ZMYM2: variants seen among roughly 807,000 people sequenced by gnomAD.
ZMYM2 encodes the protein zinc finger MYM-type protein 2.
A neutral mutation model predicts 162.8 loss-of-function variants in ZMYM2; 56 were observed. The observed-to-expected ratio is 0.34, with a 90% CI of 0.28 to 0.43. The LOEUF (loss-of-function observed/expected upper bound fraction) is 0.43, where lower values mean the gene tolerates loss of function less well. Among genes scored for constraint, ZMYM2 ranks in the 20% least tolerant of loss-of-function variants. ZMYM2 has a pLI of 1.00. For missense variants in ZMYM2, 1,275 were observed against 1,621.8 expected, an observed-to-expected ratio of 0.79 and a Z score of 3.67; for synonymous variants, 510 against 541.6, an observed-to-expected ratio of 0.94 and a Z score of 0.81.
the ZMYM2 span, among the ~76,000 whole-genome samples, chr13:19,896,822 C>T: frequency 9.9e-5 from 15 of 150,910 alleles, no homozygotes; most frequent in Non-Finnish European, 1.9e-4. Context: ...TGCATATAAT[C>T]CCAGCACTTG....
chr13:20,048,233 C>T (rs1013161179), intron 12 of ZMYM2, among the ~76,000 whole-genome samples: 12 of 151,762 alleles, frequency 7.9e-5, no homozygotes, highest in Non-Finnish European at 1.3e-4. Flanking sequence ...GATTTATGGG[C>T]TTTAAATTAA....
chr13:19,864,140 G>T, the ZMYM2 span: 1 of 152,810 alleles, frequency 6.5e-6, no homozygotes, highest in Non-Finnish European at 1.5e-5. Context: ...CCAGTTCCTT[G>T]AAGGCCCCCA....
Position 20,086,061 on chromosome 13 carries a change from C to A in ZMYM2, c.*47C>A. 2 of 1,545,802 alleles carry A rather than the reference C, an allele frequency of 1.3e-6. No individual in the cohort carries two copies. Among genetic ancestry groups the A allele is most frequent in the South Asian group, 1.2e-5 (1 of 86,896 alleles). On this transcript the variant is annotated 3_prime_UTR_variant, in exon 25 of 25. Transcript: ENST00000610343. ...TCGGGATAAAACAGCATTAGATAGT[C>A]ATGCTGCTAGATCTTTATTATGGAA...
chr13:20,052,361 G>GT, intron 14 of ZMYM2, 50 bp downstream of exon 14: 1 of 1,505,682 alleles, frequency 6.6e-7, no homozygotes, highest in Non-Finnish European at 8.9e-7. Context: ...GTAATATGGG[G>GT]TAAAAAATAA....
chr13:19,906,284 G>GTATATATATATATATA, the ZMYM2 span, among the ~76,000 whole-genome samples: 13 of 63,786 alleles, frequency 2.0e-4, no homozygotes, highest in Non-Finnish European at 3.1e-4. Flanking sequence ...TCAAAAAAAA[G>GTATATATATATATATA]TATATATATA....
intron 2 of ZMYM2, among the ~76,000 whole-genome samples, chr13:19,988,490 C>T (rs1331174546): frequency 1.3e-5 from 2 of 152,092 alleles, no homozygotes; most frequent in East Asian, 1.9e-4. Flanking sequence ...AGTGAAAAGA[C>T]GAGTTACGGC....
chr13:20,002,283 A>C (rs1019455590), intron 3 of ZMYM2, among the ~76,000 whole-genome samples: 1 of 152,202 alleles, frequency 6.6e-6, no homozygotes, highest in African/African-American at 2.4e-5. Context: ...AAATACGTGA[A>C]TACTTCCTGC....
intron 18 of ZMYM2, 140 bp downstream of exon 18, chr13:20,063,111 G>A: frequency 9.3e-7 from 1 of 1,077,986 alleles, no homozygotes; most frequent in East Asian, 2.9e-5. Context: ...CTCACCTTAA[G>A]AGTTAACTTC....
chr13:19,916,442 G>C, the ZMYM2 span, among the ~76,000 whole-genome samples: 5 of 152,148 alleles, frequency 3.3e-5, no homozygotes, highest in Admixed American at 6.5e-5. Context: ...ATTCACAATA[G>C]CAAAGACTTG....
upstream of ZMYM2, among the ~76,000 whole-genome samples, chr13:19,954,126 A>ATTTTTTTTT (rs781288600): frequency 3.5e-4 from 23 of 64,912 alleles, 7 homozygotes; most frequent in Admixed American, 9.0e-4. Context: ...GCTATGTTTA[A>ATTTTTTTTT]TTTTTTTTTT....
At chr13:20,004,173 T>C (rs1310825712) in intron 4 of ZMYM2, among the ~76,000 whole-genome samples, 20 of 152,246 alleles carry the variant, frequency 1.3e-4, no homozygotes, top group Non-Finnish European at 2.9e-4. Context: ...TTTGCAGTAG[T>C]AAACTTAAAT....
chr13:20,070,450 A>G (rs1956998698), intron 21 of ZMYM2: 1 of 160,686 alleles, frequency 6.2e-6, no homozygotes, highest in South Asian at 1.8e-4. Flanking sequence ...TCTTTTAGTC[A>G]TTAAGGTTTT....
chr13:19,913,103 AAGTGTC>A, the ZMYM2 span, among the ~76,000 whole-genome samples: 2 of 152,186 alleles, frequency 1.3e-5, no homozygotes, highest in African/African-American at 4.8e-5. Context: ...ATGCTGCCTG[AAGTGTC>A]AGTGGAAGAC....
intron 18 of ZMYM2, among the ~76,000 whole-genome samples, chr13:20,064,212 A>G (rs978087214): frequency 2.6e-5 from 4 of 152,016 alleles, no homozygotes; most frequent in East Asian, 3.9e-4. Context: ...CTGGTATCAT[A>G]CATTTTCATG....
chr13:20,037,320 A>G (rs988062674), intron 12 of ZMYM2, among the ~76,000 whole-genome samples: 2 of 150,020 alleles, frequency 1.3e-5, no homozygotes, highest in East Asian at 2.0e-4. Context: ...GGTTCAGGCA[A>G]TTCTTGTGCC....
intron 2 of ZMYM2, among the ~76,000 whole-genome samples, chr13:19,965,760 G>A (rs1055571322): frequency 6.8e-5 from 10 of 146,592 alleles, no homozygotes; most frequent in Middle Eastern, 3.6e-3. Flanking sequence ...CCCTGATATG[G>A]TATCTGAATT....
intron 3 of ZMYM2, among the ~76,000 whole-genome samples, chr13:20,001,487 G>A (rs988008992): frequency 6.6e-6 from 1 of 152,150 alleles, no homozygotes; most frequent in African/African-American, 2.4e-5. Context: ...TGCTTTTTAT[G>A]GTTGAGCAAA....
chr13:19,884,690 TCGTTCCTTG>T, the ZMYM2 span, among the ~76,000 whole-genome samples: 1 of 152,134 alleles, frequency 6.6e-6, no homozygotes, highest in African/African-American at 2.4e-5. Context: ...CGTCCGGACT[TCGTTCCTTG>T]CGGCGGATTC....
intron 21 of ZMYM2, among the ~76,000 whole-genome samples, chr13:20,078,763 A>G (rs1313034345): frequency 1.3e-5 from 2 of 152,162 alleles, no homozygotes; most frequent in African/African-American, 4.8e-5. Context: ...AATGTTAAAT[A>G]TTTTTATATT....
Sources: gnomAD v4.1 joint callset for allele counts (sites outside exome capture counted in the v4.1 genomes callset) on GRCh38, gnomAD v4.1.1 for gene constraint, MANE v1.5 for transcripts, NCBI Gene and HGNC (gene_info 2026-07-23, HGNC 2026-07-21) for gene names.